The following CNTN6 variants were observed in gnomAD, a reference collection of about 807,000 sequenced individuals.
The protein encoded by CNTN6 is contactin-6.
CNTN6 carries 137 observed loss-of-function variants against 122.8 expected under a neutral mutation model. The observed-to-expected ratio is 1.12, with a 90% CI of 0.97 to 1.29. CNTN6 has a LOEUF of 1.29. CNTN6 is among the 50% of genes most tolerant of loss of function. CNTN6 has a pLI of 0.00. For missense variants in CNTN6, 1,634 were observed against 1,223.4 expected (o/e 1.34, Z -5.01); for synonymous variants, 570 against 426.0 (o/e 1.34, Z -4.16).
chr3:1,370,344 A>G (rs1463727842), intron 12 of CNTN6, among the ~76,000 whole-genome samples: 1 of 152,002 alleles, frequency 6.6e-6, no homozygotes, highest in Non-Finnish European at 1.5e-5. Flanking sequence ...ACCGGGGACT[A>G]TTGTGGAGTG....
chr3:1,300,449 CAGGAAGGA>C (rs72054486), intron 7 of CNTN6, among the ~76,000 whole-genome samples: 13,301 of 114,290 alleles, frequency 0.12, 850 homozygotes, highest in Middle Eastern at 0.17. Context: ...AGGGTCAGTT[CAGGAAGGA>C]AGGAAGGAAG....
chr3:1,224,790 G>A (rs944581506), intron 3 of CNTN6, among the ~76,000 whole-genome samples: 30 of 152,228 alleles, frequency 2.0e-4, no homozygotes, highest in South Asian at 8.3e-4. Flanking sequence ...CTGTCAGCCA[G>A]GTTGGAGTTC....
At chr3:1,397,842 C>T (rs1441850151) in intron 20 of CNTN6, among the ~76,000 whole-genome samples, 2 of 152,088 alleles carry the variant, frequency 1.3e-5, no homozygotes, top group Non-Finnish European at 2.9e-5. Context: ...TATGTTCTTT[C>T]TCTTCTGCCC....
chr3:1,386,141 T>C (rs1692875568), intron 20 of CNTN6, among the ~76,000 whole-genome samples: 1 of 152,216 alleles, frequency 6.6e-6, no homozygotes, highest in Non-Finnish European at 1.5e-5. Context: ...TGAGTCTCAG[T>C]TGCCTACCTA....
chr3:1,218,826 A>G (rs1234924754), intron 2 of CNTN6, among the ~76,000 whole-genome samples: 12 of 152,194 alleles, frequency 7.9e-5, no homozygotes, highest in Admixed American at 5.2e-4. Context: ...GCTTCTAAAT[A>G]CCAATCTCTA....
At chr3:1,289,658 TTTG>T (rs945993379) in intron 5 of CNTN6, among the ~76,000 whole-genome samples, 1 of 141,958 alleles carries the variant, frequency 7.0e-6, no homozygotes, top group Non-Finnish European at 1.5e-5. Context: ...TATCTTTTGT[TTTG>T]TTTTGTTTTT....
chr3:1,243,110 A>G (rs908926034), intron 4 of CNTN6, among the ~76,000 whole-genome samples: 1 of 152,204 alleles, frequency 6.6e-6, no homozygotes. Context: ...GGAGTCAGTC[A>G]GAGAGCCTTG....
At chr3:1,329,044 A>G (rs1284469298) in intron 10 of CNTN6, among the ~76,000 whole-genome samples, 1 of 151,466 alleles carries the variant, frequency 6.6e-6, no homozygotes, top group Non-Finnish European at 1.5e-5. Context: ...CACTGAAATA[A>G]ATCAGATTGG....
At chr3:1,283,981 A>G (rs1207788008) in intron 5 of CNTN6, among the ~76,000 whole-genome samples, 1 of 152,242 alleles carries the variant, frequency 6.6e-6, no homozygotes, top group East Asian at 1.9e-4. Flanking sequence ...CCTGGGGGAC[A>G]AGAGTGAGAT....
intron 2 of CNTN6, among the ~76,000 whole-genome samples, chr3:1,204,360 A>C (rs2093928654): frequency 6.6e-6 from 1 of 152,178 alleles, no homozygotes; most frequent in South Asian, 2.1e-4. Flanking sequence ...TTAATGTTGA[A>C]GTGTTCTAAA....
At chr3:1,299,510 C>T (rs550870115) in intron 7 of CNTN6, among the ~76,000 whole-genome samples, 1 of 152,218 alleles carries the variant, frequency 6.6e-6, no homozygotes, top group South Asian at 2.1e-4. Context: ...AAAATAATTT[C>T]ATTTGCTAAG....
chr3:1,290,398 C>G (rs973534390), intron 5 of CNTN6, among the ~76,000 whole-genome samples: 1 of 152,048 alleles, frequency 6.6e-6, no homozygotes, highest in Admixed American at 6.6e-5. Flanking sequence ...AGGTTGGTTA[C>G]TTGTGGAGCT....
rs756056110 is a variant in CNTN6 at position 1,325,965 on chromosome 3, T to C, written c.1083+14T>C. On this transcript the variant is annotated intron_variant, in intron 9 of 22. Coordinates refer to ENST00000446702, the MANE Select transcript of CNTN6 (RefSeq NM_001289080.2). ...CTCAACCCAGAGGTAAGCAACTATG[T>C]TGATATTAAAAGTTTACCTACTCTA... 2.5e-6 allele frequency: 4 copies of C among 1,600,782 alleles called. No homozygotes were observed. The South Asian group carries it at 3.4e-5, about 13-fold the overall frequency.
At chr3:1,278,252 A>T (rs1032877179) in intron 4 of CNTN6, among the ~76,000 whole-genome samples, 161 bp from the exon 5 acceptor site, 1 of 152,240 alleles carries the variant, frequency 6.6e-6, no homozygotes, top group Non-Finnish European at 1.5e-5. Flanking sequence ...ATTTTGCAAG[A>T]TAATAATAAG....
At chr3:1,312,614 CAAA>C (rs5846106) in intron 7 of CNTN6, among the ~76,000 whole-genome samples, 11,671 of 137,842 alleles carry the variant, frequency 0.085, 730 homozygotes, top group African/African-American at 0.18. Context: ...GCCTCTTATA[CAAA>C]AAAAAAAAAA....
In CNTN6 at chr3:1,245,232, ATATACAC is replaced by A. The variant is rs1431184805; in HGVS notation, c.358+17240_358+17246del. ...TATATATATATATATATATATATAT[ATATACAC>A]ACACACATATATATATAACATATAT... On this transcript the variant is annotated intron_variant, in intron 4 of 22. Coordinates refer to ENST00000446702, the MANE Select transcript of CNTN6 (RefSeq NM_001289080.2). 8.5e-3 allele frequency among the ~76,000 whole-genome samples: 112 copies of A among 13,174 alleles called. 13 individuals carry two copies. The highest frequency in any genetic ancestry group is 0.049 in the African/African-American group (110 of 2,238). 8.6% of individuals were successfully genotyped at this position (13,174 alleles called of 152,430 possible).
intron 4 of CNTN6, among the ~76,000 whole-genome samples, chr3:1,275,828 G>A: frequency 6.6e-6 from 1 of 152,200 alleles, no homozygotes. Context: ...AGGAGGTAAT[G>A]TGATTGACAG....
At chr3:1,212,317 G>A (rs1231164637) in intron 2 of CNTN6, among the ~76,000 whole-genome samples, 1 of 145,052 alleles carries the variant, frequency 6.9e-6, no homozygotes, top group Non-Finnish European at 1.5e-5. Context: ...GCCCGTCTTG[G>A]CCTCCCAAAG....
intron 2 of CNTN6, among the ~76,000 whole-genome samples, chr3:1,172,200 G>A (rs767797743): frequency 3.7e-4 from 56 of 152,108 alleles, no homozygotes; most frequent in Admixed American, 2.6e-4. Flanking sequence ...TCTCAGAGGT[G>A]CTTAAAAAAT....
Sources: gnomAD v4.1 joint callset for allele counts (sites outside exome capture counted in the v4.1 genomes callset) on GRCh38, gnomAD v4.1.1 for gene constraint, MANE v1.5 for transcripts, NCBI Gene and HGNC (gene_info 2026-07-23, HGNC 2026-07-21) for gene names.